The following NUDT6 variants were observed in gnomAD, a reference collection of about 807,000 sequenced individuals.
NUDT6 encodes the protein nudix hydrolase 6, also known as FAD diphosphatase NUDT6.
A neutral mutation model predicts 36.8 loss-of-function variants in NUDT6; 24 were observed. The observed-to-expected ratio is 0.65, with a 90% CI of 0.47 to 0.92. NUDT6 has a LOEUF of 0.92. Ranked by LOEUF, NUDT6 falls within the 40% of genes least tolerant of loss-of-function variation. The pLI is 0.00. For missense variants in NUDT6, 388 were observed against 392.8 expected (o/e 0.99, Z 0.10); for synonymous variants, 163 against 157.0 (o/e 1.04, Z -0.29).
At chr4:122,915,789 G>A (rs1387796010) in intron 2 of NUDT6, among the ~76,000 whole-genome samples, 1 of 152,256 alleles carries the variant, frequency 6.6e-6, no homozygotes, top group Middle Eastern at 3.4e-3. Context: ...TTCCATTGAA[G>A]TGTGAGGCTG....
chr4:122,917,570 A>C lies in NUDT6; in HGVS notation c.373T>G (p.Leu125Val). ...FHHAESDSST[L>V]TLWLREGPSR... Reference sequence around the variant, plus strand: ...GGCCCTTCTCTCAGCCACAGAGTCAACGTTGATGAATCCGATTCTGCGTGG... The same window carrying C: ...GGCCCTTCTCTCAGCCACAGAGTCACCGTTGATGAATCCGATTCTGCGTGG... Residue 125 changes from leucine to valine, a missense_variant, in exon 2 of 5, where the codon TTG (leucine) becomes GTG (valine). Coordinates refer to ENST00000304430, the MANE Select transcript of NUDT6 (RefSeq NM_007083.5). 1 of 1,614,190 alleles carries C rather than the reference A, an allele frequency of 6.2e-7. No homozygotes were observed. The highest frequency in any genetic ancestry group is 1.1e-5 in the South Asian group (1 of 91,078).
At chr4:122,922,669 C>T (rs1401175682), upstream of NUDT6, 2 of 1,059,536 alleles carry the variant, frequency 1.9e-6, no homozygotes, top group Non-Finnish European at 2.7e-6. Context: ...CATCAATACC[C>T]TCAGAGTTGA....
chr4:122,912,072 C>T (rs906489916), intron 3 of NUDT6, among the ~76,000 whole-genome samples: 47 of 152,274 alleles, frequency 3.1e-4, no homozygotes, highest in African/African-American at 1.1e-3. Context: ...ACTCATTCTT[C>T]AAGACCTAGT....
At chr4:122,902,144 CAG>C (rs1727535990) in intron 3 of NUDT6, among the ~76,000 whole-genome samples, 1 of 152,088 alleles carries the variant, frequency 6.6e-6, no homozygotes, top group African/African-American at 2.4e-5. Flanking sequence ...ACCAATGAGA[CAG>C]AAGCTACCAC....
At chr4:122,896,099 G>C (rs62323463) in intron 4 of NUDT6, 1 of 152,438 alleles carries the variant, frequency 6.6e-6, no homozygotes, top group Non-Finnish European at 1.5e-5. Flanking sequence ...TAATGCCAAC[G>C]GCAGTTTTTT....
chr4:122,917,205 T>G (rs1020909058), intron 2 of NUDT6, among the ~76,000 whole-genome samples: 4 of 152,194 alleles, frequency 2.6e-5, no homozygotes, highest in African/African-American at 9.7e-5. Context: ...CTGTTCTAAT[T>G]TATTGTTAGT....
At chr4:122,896,496 C>T (rs1727360472) in intron 4 of NUDT6, 1 of 152,140 alleles carries the variant, frequency 6.6e-6, no homozygotes, top group African/African-American at 2.4e-5. Flanking sequence ...TCTGCTCTCA[C>T]GTGGCACCAG....
At position 122,893,239 on chromosome 4, in the gene NUDT6, G is replaced by A. The variant is rs760708952; in HGVS notation, c.554-14C>T. 7.0e-6 allele frequency: 11 copies of A among 1,575,694 alleles called. No homozygotes were observed. The highest frequency in any genetic ancestry group is 9.5e-6 in the Non-Finnish European group (11 of 1,161,930). ...CCGCTGTGTCTCCTACGTAAAAAAAGAGATGTACAAATCAATAATAATTAC... is the reference window on the plus strand; with the variant it reads ...CCGCTGTGTCTCCTACGTAAAAAAAAAGATGTACAAATCAATAATAATTAC... On this transcript the variant is annotated splice_polypyrimidine_tract_variant and intron_variant, in intron 4 of 4. Transcript: ENST00000304430.
In NUDT6 at chr4:122,892,700, A is replaced by G; in HGVS notation, c.*128T>C. The G allele has an allele frequency of 7.4e-7, 1 of 1,359,454 alleles. No homozygotes were observed. Among genetic ancestry groups the G allele is most frequent in the Non-Finnish European group, 9.8e-7 (1 of 1,025,100 alleles). The allele number at this position is 1,359,454 out of a possible 1,614,324, so 84.2% of individuals were successfully genotyped here. A position where few individuals can be genotyped will look rare whatever the true frequency, so the allele number is the denominator to read the frequency against. ...AGGCTTTTAAAATGTGCATGTTTAG[A>G]AACAAAATTTCTTCATGGAAATCAT... On this transcript the variant is annotated 3_prime_UTR_variant, in exon 5 of 5. Coordinates refer to ENST00000304430, the MANE Select transcript of NUDT6 (RefSeq NM_007083.5).
intron 4 of NUDT6, chr4:122,897,131 A>G (rs1325633370): frequency 6.5e-6 from 1 of 152,694 alleles, no homozygotes; most frequent in East Asian, 1.9e-4. Context: ...ACTATTAAAA[A>G]TAAATAGTAG....
At chr4:122,899,060 T>TTTTTTTTTTTTTTTTTTTTTA (rs70955079) in intron 3 of NUDT6, among the ~76,000 whole-genome samples, 1 of 145,030 alleles carries the variant, frequency 6.9e-6, no homozygotes, top group Non-Finnish European at 1.5e-5. Context: ...TTTTTTTTTT[T>TTTTTTTTTTTTTTTTTTTTTA]AGAGATGAGA....
chr4:122,918,916 A>G (rs374642046), intron 1 of NUDT6: 13 of 152,228 alleles, frequency 8.5e-5, no homozygotes, highest in African/African-American at 3.1e-4. Flanking sequence ...CCCGTAACAC[A>G]CTTTAACATT....
At chr4:122,903,265 A>G (rs907112960) in intron 3 of NUDT6, among the ~76,000 whole-genome samples, 2 of 152,200 alleles carry the variant, frequency 1.3e-5, no homozygotes, top group Non-Finnish European at 2.9e-5. Flanking sequence ...ACTTTCTTAT[A>G]TAATTTGAAC....
At chr4:122,901,060 T>A (rs1727512567) in intron 3 of NUDT6, among the ~76,000 whole-genome samples, 1 of 152,198 alleles carries the variant, frequency 6.6e-6, no homozygotes, top group Non-Finnish European at 1.5e-5. Context: ...CATGATCCTT[T>A]TTTTTCCTAA....
At chr4:122,900,054 G>GCCCC (rs1159974688) in intron 3 of NUDT6, among the ~76,000 whole-genome samples, 30 of 84,130 alleles carry the variant, frequency 3.6e-4, no homozygotes, top group South Asian at 1.2e-3. Context: ...ATGCACCCCC[G>GCCCC]CCACCCCCCC....
At chr4:122,916,390 C>G (rs12500055) in intron 2 of NUDT6, among the ~76,000 whole-genome samples, 69,071 of 151,914 alleles carry the variant, frequency 0.45, 17,600 homozygotes, top group Non-Finnish European at 0.57. Flanking sequence ...CTGTTTGGCA[C>G]AATAATGTAA....
intron 3 of NUDT6, chr4:122,898,001 T>C: frequency 4.0e-6 from 1 of 248,230 alleles, no homozygotes; most frequent in East Asian, 9.3e-5. Flanking sequence ...ATTTTGCTGC[T>C]AGTTAACTAT....
chr4:122,904,595 T>A (rs1057423048), intron 3 of NUDT6, among the ~76,000 whole-genome samples: 2 of 152,162 alleles, frequency 1.3e-5, no homozygotes, highest in Non-Finnish European at 2.9e-5. Context: ...TAGCTTGGAT[T>A]ACAGGTGCAT....
intron 1 of NUDT6, chr4:122,920,185 C>G (rs943223401): frequency 6.6e-6 from 1 of 152,146 alleles, no homozygotes; most frequent in Non-Finnish European, 1.5e-5. Context: ...TAAATAGTCT[C>G]TCTTTATAGG....
Sources: gnomAD v4.1 joint callset for allele counts (sites outside exome capture counted in the v4.1 genomes callset) on GRCh38, gnomAD v4.1.1 for gene constraint, MANE v1.5 for transcripts, NCBI Gene and HGNC (gene_info 2026-07-23, HGNC 2026-07-21) for gene names.